Variants in PIP5K1C observed in about 807,000 individuals in gnomAD.
The protein encoded by PIP5K1C is phosphatidylinositol-4-phosphate 5-kinase type 1 gamma, also known as phosphatidylinositol 4-phosphate 5-kinase type-1 gamma.
Under a neutral mutation model 80.1 loss-of-function variants are expected in PIP5K1C, and 45 were observed. The observed-to-expected ratio is 0.56, with a 90% CI of 0.44 to 0.72. The LOEUF is 0.72. Ranked by LOEUF, PIP5K1C falls within the 30% of genes least tolerant of loss-of-function variation. PIP5K1C has a pLI of 0.00. For missense variants in PIP5K1C, 753 were observed against 954.6 expected (o/e 0.79, Z 2.78); for synonymous variants, 498 against 420.1 (o/e 1.19, Z -2.27).
rs552105756 is a variant in PIP5K1C, at chr19:3,643,678, C to A, written c.1511-297G>T. On this transcript the variant is annotated intron_variant, in intron 12 of 17. Coordinates refer to ENST00000335312, the MANE Select transcript of PIP5K1C (RefSeq NM_012398.3). ...CTCCACTGCTCTCTTCCCCTCCCCACCCCCCCTCCCTTCCCCTCCGCGCTG... is the reference window on the plus strand; with the variant it reads ...CTCCACTGCTCTCTTCCCCTCCCCAACCCCCCTCCCTTCCCCTCCGCGCTG... Among the ~76,000 whole-genome samples the A allele has an allele frequency of 3.9e-3, 592 of 150,118 alleles. 4 individuals are homozygous for A. Among genetic ancestry groups the A allele is most frequent in the African/African-American group, 0.014 (554 of 40,758 alleles).
At chr19:3,668,626 G>C (rs538935675) in intron 1 of PIP5K1C, among the ~76,000 whole-genome samples, 1 of 152,306 alleles carries the variant, frequency 6.6e-6, no homozygotes, top group South Asian at 2.1e-4. Flanking sequence ...GGTGGGAAGC[G>C]ATGTCAGCGA....
chr19:3,637,772 G>C lies in PIP5K1C; in HGVS notation c.1920+1112C>G. ...GCAGAAGGTGGGGGGTGCCGGGGCA[G>C]GGGCAGGACCGAGGACCCTTCTCCC... On this transcript the variant is annotated intron_variant, in intron 16 of 17. Transcript: ENST00000335312. This position sits in a 1 kb window ranked among gnomAD's most constrained non-coding sequence, Gnocchi z 7.0. The C allele has an allele frequency of 6.5e-7, 1 of 1,532,554 alleles. No individual in the cohort carries two copies. The highest frequency in any genetic ancestry group is 8.7e-7 in the Non-Finnish European group (1 of 1,145,790). The allele number at this position is 1,532,554 out of a possible 1,614,324, so 94.9% of individuals were successfully genotyped here.
chr19:3,696,513 G>C lies in PIP5K1C; in HGVS notation c.94+3784C>G. ...GGGAGACCGCTGTGTGGTGACAGCA[G>C]GGCAGGGAGGCCTCACGGAGAGGAG... On this transcript the variant is annotated intron_variant, in intron 1 of 17. Transcript: ENST00000335312. The surrounding 1 kb of genome is among the most constrained non-coding windows in gnomAD (Gnocchi z 4.1). 1.3e-5 allele frequency among the ~76,000 whole-genome samples: 2 copies of C among 151,766 alleles called. No homozygotes were observed. Among genetic ancestry groups the C allele is most frequent in the Non-Finnish European group, 2.9e-5 (2 of 67,918 alleles).
chr19:3,658,498 G>A (rs550116478), intron 5 of PIP5K1C, among the ~76,000 whole-genome samples: 14 of 152,378 alleles, frequency 9.2e-5, no homozygotes, highest in Admixed American at 4.6e-4. Context: ...CGCCACGGCA[G>A]GACGCCCTCC....
At chr19:3,691,336 C>G (rs1600093370) in intron 1 of PIP5K1C, among the ~76,000 whole-genome samples, 1 of 152,316 alleles carries the variant, frequency 6.6e-6, no homozygotes, top group East Asian at 1.9e-4. Context: ...GGGGGCCTCG[C>G]TAATCTGGGG....
intron 15 of PIP5K1C, among the ~76,000 whole-genome samples, chr19:3,639,579 G>A (rs1359850983): frequency 6.6e-6 from 1 of 151,962 alleles, no homozygotes; most frequent in African/African-American, 2.4e-5. Context: ...CTATAGGTGT[G>A]CACTGCTACA....
At chr19:3,651,210 C>T (rs961767517) in intron 8 of PIP5K1C, among the ~76,000 whole-genome samples, 1 of 152,128 alleles carries the variant, frequency 6.6e-6, no homozygotes, top group Admixed American at 6.5e-5. Flanking sequence ...CACGTGCCAC[C>T]ACGTCCAGCT....
chr19:3,682,780 C>A (rs759673292), intron 1 of PIP5K1C, among the ~76,000 whole-genome samples: 1 of 152,184 alleles, frequency 6.6e-6, no homozygotes, highest in Non-Finnish European at 1.5e-5. Context: ...GAGGCAGTCC[C>A]GGCTGACAGC....
At chr19:3,673,532 CCCCTGGGTGGGG>C (rs1213121858) in intron 1 of PIP5K1C, among the ~76,000 whole-genome samples, 1 of 152,208 alleles carries the variant, frequency 6.6e-6, no homozygotes, top group Non-Finnish European at 1.5e-5. Context: ...GGGGCCTGCA[CCCCTGGGTGGGG>C]CCGCTGCCCA....
rs1453216328 is a variant in PIP5K1C, at chr19:3,632,431, G to A, written c.*736C>T. 3 of 152,384 alleles carry A rather than the reference G, an allele frequency of 2.0e-5. No individual in the cohort carries two copies. Among genetic ancestry groups the A allele is most frequent in the Non-Finnish European group, 4.4e-5 (3 of 68,168 alleles). 9.4% of individuals were successfully genotyped at this position (152,384 alleles called of 1,614,324 possible). A position where few individuals can be genotyped will look rare whatever the true frequency, so the allele number is the denominator to read the frequency against. On this transcript the variant is annotated 3_prime_UTR_variant, in exon 18 of 18. Transcript: ENST00000335312. Reference sequence around the variant, plus strand: ...GCTCCGCCAGCGTGGGTGGCAGCCTGGGGAAGAGGAGGCCTGGCCCTCCAG... The same window carrying A: ...GCTCCGCCAGCGTGGGTGGCAGCCTAGGGAAGAGGAGGCCTGGCCCTCCAG...
chr19:3,677,706 T>G, intron 1 of PIP5K1C, among the ~76,000 whole-genome samples: 2 of 130,522 alleles, frequency 1.5e-5, no homozygotes, highest in Non-Finnish European at 3.2e-5. Flanking sequence ...GATGGCGGAA[T>G]GGAGGGATGG....
chr19:3,699,425 T>TTGCCCGCC (rs1476625120), intron 1 of PIP5K1C, among the ~76,000 whole-genome samples: 2 of 151,902 alleles, frequency 1.3e-5, no homozygotes, highest in Non-Finnish European at 2.9e-5. Context: ...GCCCGCCCGC[T>TTGCCCGCC]TGCCCGCCTG....
intron 9 of PIP5K1C, 128 bp from the exon 10 acceptor site, chr19:3,647,514 C>A: frequency 1.2e-6 from 1 of 810,322 alleles, no homozygotes; most frequent in Non-Finnish European, 2.1e-6. Context: ...GCTGTCAAAA[C>A]TCAGGGTGGC....
At chr19:3,633,230 C>A in intron 17 of PIP5K1C, 61 bp from the exon 18 acceptor site, 1 of 731,212 alleles carries the variant, frequency 1.4e-6, no homozygotes, top group Non-Finnish European at 2.5e-6. Flanking sequence ...AGGCCCCCTG[C>A]CAGGGACTGG....
chr19:3,664,988 TGGGAA>T lies in PIP5K1C; in HGVS notation c.127-79_127-75del, dbSNP rs2034963149. On this transcript the variant is annotated intron_variant, in intron 2 of 17. Coordinates refer to ENST00000335312, the MANE Select transcript of PIP5K1C (RefSeq NM_012398.3). The stretch of plus-strand genomic sequence containing the variant: ...CGGGACAGGGCACGCTCTGAAACCC[TGGGAA>T]GAAAGGTTTAGTCGTTGGGCCCAGC... 7.9e-6 allele frequency: 10 copies of T among 1,262,964 alleles called. No homozygotes were observed. The East Asian group carries it at 2.3e-4, about 29-fold the overall frequency. The allele number at this position is 1,262,964 out of a possible 1,614,324, so 78.2% of individuals were successfully genotyped here.
At chr19:3,671,997 G>A (rs576729806) in intron 1 of PIP5K1C, among the ~76,000 whole-genome samples, 79 of 152,310 alleles carry the variant, frequency 5.2e-4, no homozygotes, top group Non-Finnish European at 8.2e-4. Context: ...AGCAGTTTCC[G>A]CTGGCCAGGC....
At chr19:3,682,372 TAA>T (rs369608211) in intron 1 of PIP5K1C, among the ~76,000 whole-genome samples, 43 of 111,096 alleles carry the variant, frequency 3.9e-4, no homozygotes, top group East Asian at 5.5e-4. Context: ...AGACTCCATC[TAA>T]AAAAAAAAAA....
Position 3,648,828 on chromosome 19 carries a change from G to T in PIP5K1C, c.1128-120C>A. The T allele has an allele frequency of 2.5e-6, 2 of 797,816 alleles. No homozygotes were observed. The highest frequency in any genetic ancestry group is 4.2e-6 in the Non-Finnish European group (2 of 472,728). 49.4% of individuals were successfully genotyped at this position (797,816 alleles called of 1,614,324 possible). On this transcript the variant is annotated intron_variant, in intron 8 of 17. Transcript: ENST00000335312. This position sits in a 1 kb window ranked among gnomAD's most constrained non-coding sequence, Gnocchi z 4.3. ...CTCCTGTGGGTGGCAACTTGGCCAAGCTCTCGGAGTGGGGCCTGGCACCCG... is the reference window on the plus strand; with the variant it reads ...CTCCTGTGGGTGGCAACTTGGCCAATCTCTCGGAGTGGGGCCTGGCACCCG...
intron 1 of PIP5K1C, among the ~76,000 whole-genome samples, chr19:3,682,030 C>T (rs1166482289): frequency 6.6e-6 from 1 of 152,100 alleles, no homozygotes; most frequent in Non-Finnish European, 1.5e-5. Context: ...TCACCACCCC[C>T]ACCAATAGCA....
Sources: allele counts gnomAD v4.1 joint callset (sites outside exome capture counted in the v4.1 genomes callset), GRCh38; gene constraint gnomAD v4.1.1; non-coding constraint Gnocchi (gnomAD v3.1); transcripts MANE v1.5; gene names NCBI Gene and HGNC (gene_info 2026-07-23, HGNC 2026-07-21).